Variants in MUC5AC observed in about 807,000 individuals in gnomAD.
MUC5AC encodes the protein mucin-5AC.
MUC5AC carries 158 observed loss-of-function variants against 169.7 expected under a neutral mutation model. The ratio of observed to expected loss-of-function variants is 0.93; its 90% confidence interval spans 0.82 to 1.06. The LOEUF is 1.06. Among genes scored for constraint, MUC5AC ranks in the 50% least tolerant of loss-of-function variants. The pLI is 0.00. For missense variants in MUC5AC, 4,359 were observed against 3,089.9 expected (o/e 1.41, Z -9.74); for synonymous variants, 1,975 against 1,237.0 (o/e 1.60, Z -12.52).
At position 1,200,474 on chromosome 11, in the gene MUC5AC, C is replaced by G. The variant is rs1302554074; in HGVS notation, c.16737C>G (p.Cys5579Trp). Reference sequence around the variant, plus strand: ...AGGGCAACACGGTGGAGCACAGGTGCCAGTGCTGCCAGGAGCTGCGGACCT... The same window carrying G: ...AGGGCAACACGGTGGAGCACAGGTGGCAGTGCTGCCAGGAGCTGCGGACCT... The part of the protein sequence containing the change: ...SLEGNTVEHR[C>W]QCCQELRTSL... Residue 5579 changes from cysteine to tryptophan, a missense_variant, in exon 49 of 49, where the codon TGC becomes TGG. Cys to Trp is a radical substitution (Grantham distance 215). Transcript: ENST00000621226. 4.1e-6 allele frequency: 3 copies of G among 728,162 alleles called. No individual in the cohort carries two copies. The highest frequency in any genetic ancestry group is 7.5e-6 in the Non-Finnish European group (3 of 399,734). The allele number at this position is 728,162 out of a possible 1,614,324, so 45.1% of individuals were successfully genotyped here.
intron 35 of MUC5AC, 149 bp downstream of exon 35, chr11:1,194,819 T>G (rs975406353): frequency 2.5e-5 from 15 of 608,916 alleles, no homozygotes; most frequent in African/African-American, 1.8e-4. Flanking sequence ...GGCTTACGCC[T>G]GCCGGTACCT....
rs1337367428 is a variant in MUC5AC, at chr11:1,179,043, C to T, written c.3328-49C>T. 3.0e-4 allele frequency: 48 copies of T among 159,340 alleles called. No individual in the cohort carries two copies. The African/African-American group carries it at 4.9e-3, about 16-fold the overall frequency. The allele number at this position is 159,340 out of a possible 1,614,324, so 9.9% of individuals were successfully genotyped here. On this transcript the variant is annotated intron_variant, in intron 25 of 48. Transcript: ENST00000621226. ...AGCATGGGCCCGGTCCCCAAGAGCC[C>T]GCGGGGTGGTGGGGGGGTCCCTGGA...
chr11:1,170,980 CCACTCACCT>C (rs1860500849), intron 15 of MUC5AC, among the ~76,000 whole-genome samples: 1 of 121,126 alleles, frequency 8.3e-6, no homozygotes. Flanking sequence ...CCCATTCACC[CCACTCACCT>C]ACTCACTCAC....
In MUC5AC at chr11:1,188,566, C is replaced by T. The variant is rs1425395604; in HGVS notation, c.10421C>T (p.Ala3474Val). The T allele has an allele frequency of 2.6e-6, 2 of 762,452 alleles. No individual in the cohort carries two copies. The highest frequency in any genetic ancestry group is 1.7e-5 in the Admixed American group (1 of 58,802). 47.2% of individuals were successfully genotyped at this position (762,452 alleles called of 1,614,324 possible). ...CCACAGACCAGCAAAACCTCAGCTG[C>T]TACAAGCAGCACAACCTCCGGTTCT... ...STPQTSKTSA[A>V]TSSTTSGSGT... The change falls in exon 31 of 49, where the codon GCT (alanine) becomes GTT (valine). Residue 3474 changes from alanine (A) to valine (V), a missense_variant. Physicochemically the swap from Ala to Val is moderately conservative, Grantham distance 64 (BLOSUM62 0). Transcript: ENST00000621226.
In MUC5AC at chr11:1,192,968, G is replaced by T. The variant is rs1255742603; in HGVS notation, c.14566G>T (p.Val4856Phe). 5.5e-6 allele frequency: 4 copies of T among 720,898 alleles called. No homozygotes were observed. Among genetic ancestry groups the T allele is most frequent in the Middle Eastern group, 2.3e-4 (1 of 4,376 alleles). 44.7% of individuals were successfully genotyped at this position (720,898 alleles called of 1,614,324 possible). A position where few individuals can be genotyped will look rare whatever the true frequency, so the allele number is the denominator to read the frequency against. ...CACTGAGCTGGGATGCCCAAATGCG[G>T]TTCCCCCCAGAAAGGTAACCCCCTA... ...PVTELGCPNA[V>F]PPRKKGETWA... Residue 4856 changes from valine to phenylalanine, a missense_variant, in exon 32 of 49, where the codon GTT becomes TTT. By Grantham distance (50) the Val-to-Phe change is conservative (BLOSUM62 -1). Transcript: ENST00000621226.
chr11:1,186,535 C>G lies in MUC5AC; in HGVS notation c.8390C>G (p.Thr2797Ser), dbSNP rs1420298270. ...ACTTTGTCTCCTACAACCAGCACAA[C>G]CTCTACTACTATAACCAGCACAACT... ...STTLSPTTST[T>S]STTITSTTSA... is the part of the protein sequence containing the mutation. Residue 2797 changes from threonine (T) to serine (S), a missense_variant, in exon 31 of 49, where the codon ACC becomes AGC. By Grantham distance (58) the Thr-to-Ser change is moderately conservative. Transcript: ENST00000621226. 4.3e-6 allele frequency: 3 copies of G among 699,036 alleles called. No homozygotes were observed. The African/African-American group carries it at 5.3e-5, about 12-fold the overall frequency. 43.3% of individuals were successfully genotyped at this position (699,036 alleles called of 1,614,324 possible). A position where few individuals can be genotyped will look rare whatever the true frequency, so the allele number is the denominator to read the frequency against.
At position 1,162,690 on chromosome 11, in the gene MUC5AC, G is replaced by C. The variant is rs192491115; in HGVS notation, c.588+44G>C. On this transcript the variant is annotated intron_variant, in intron 5 of 48. Coordinates refer to ENST00000621226, the MANE Select transcript of MUC5AC (RefSeq NM_001304359.2). ...GTCCCGGTGTGCAACTCCAGCCCTC[G>C]AGGGCCGGCCTGCTCCCACAGCCTC... The C allele has an allele frequency of 3.8e-6, 6 of 1,568,264 alleles. No individual in the cohort carries two copies. In the East Asian group the frequency reaches 1.1e-4, roughly 29 times the overall value.
chr11:1,193,691 G>T, intron 33 of MUC5AC, 32 bp downstream of exon 33: 1 of 754,742 alleles, frequency 1.3e-6, no homozygotes, highest in Non-Finnish European at 2.4e-6. Flanking sequence ...ACCCAGGGCA[G>T]CCGGGGCAGC....
intron 30 of MUC5AC, 103 bp downstream of exon 30, chr11:1,181,562 C>T (rs921352814): frequency 6.5e-5 from 26 of 398,020 alleles, no homozygotes; most frequent in Admixed American, 4.4e-4. Flanking sequence ...TGGGCATGGG[C>T]GGCAGCCCCT....
chr11:1,199,946 G>C lies in MUC5AC; in HGVS notation c.16677G>C (p.Gly5559=). ...CCGTGCGCCTGGCTTACTGCCGGGG[G>C]AACTGTGGGGACAGCTCTTCCATGT... ...SEPVRLAYCR[G]NCGDSSSMYS... Residue 5559 remains glycine, a synonymous_variant, in exon 48 of 49, where the codon GGG becomes GGC. Transcript: ENST00000621226. 1.3e-6 allele frequency: 1 copy of C among 763,546 alleles called. No individual in the cohort carries two copies. The highest frequency in any genetic ancestry group is 2.4e-6 in the Non-Finnish European group (1 of 417,258). The allele number at this position is 763,546 out of a possible 1,614,324, so 47.3% of individuals were successfully genotyped here. A position where few individuals can be genotyped will look rare whatever the true frequency, so the allele number is the denominator to read the frequency against.
chr11:1,179,764 G>T (rs1357816924), intron 26 of MUC5AC, among the ~76,000 whole-genome samples: 1 of 152,168 alleles, frequency 6.6e-6, no homozygotes, highest in Non-Finnish European at 1.5e-5. Context: ...CAGCAGAGCT[G>T]CCCAGCTCTA....
chr11:1,187,636 C>G lies in MUC5AC; in HGVS notation c.9491C>G (p.Thr3164Arg). ...CCCAGCCCTGTTCCCACCACCAGCA[C>G]AATCTTTGCTCCTAGAACCAGCACC... ...TTPSPVPTTS[T>R]IFAPRTSTTS... Residue 3164 changes from threonine to arginine, a missense_variant, in exon 31 of 49, where the codon ACA (threonine) becomes AGA (arginine). By Grantham distance (71) the Thr-to-Arg change is moderately conservative. Transcript: ENST00000621226. 1 of 764,632 alleles carries G rather than the reference C, an allele frequency of 1.3e-6. No individual in the cohort carries two copies. Among genetic ancestry groups the G allele is most frequent in the Non-Finnish European group, 2.4e-6 (1 of 417,584 alleles). The allele number at this position is 764,632 out of a possible 1,614,324, so 47.4% of individuals were successfully genotyped here.
chr11:1,168,109 A>C, intron 12 of MUC5AC, 122 bp downstream of exon 12: 1 of 828,656 alleles, frequency 1.2e-6, no homozygotes, highest in Non-Finnish European at 2.0e-6. Context: ...ACCCTCTGGC[A>C]ACACTGGCTG....
rs1224666001 is a variant in MUC5AC at position 1,163,063 on chromosome 11, C to T, written c.679+18C>T. ...CTCCCACAGTAAGGCCCCACATCGC[C>T]CTCAGCCCCTTCCTCAGTGTCCCCT... is the stretch of plus-strand genomic sequence containing the variant. On this transcript the variant is annotated intron_variant, in intron 6 of 48. Transcript: ENST00000621226. 14 of 1,607,288 alleles carry T rather than the reference C, an allele frequency of 8.7e-6. No homozygotes were observed. Among genetic ancestry groups the T allele is most frequent in the African/African-American group, 2.7e-5 (2 of 74,810 alleles).
In MUC5AC at chr11:1,183,254, C is replaced by T. The variant is rs1860853190; in HGVS notation, c.5109C>T (p.Thr1703=). The change falls in exon 31 of 49, where the codon ACC becomes ACT. Residue 1703 remains threonine (T), a synonymous_variant. Coordinates refer to ENST00000621226, the MANE Select transcript of MUC5AC (RefSeq NM_001304359.2). Reference sequence around the variant, plus strand: ...ATCCAACCGGAGCTCAGACCCAGACCACCTTCACCACACACATGCCCTCGG... The same window carrying T: ...ATCCAACCGGAGCTCAGACCCAGACTACCTTCACCACACACATGCCCTCGG... ...TPHPTGAQTQ[T]TFTTHMPSAS... The T allele has an allele frequency of 5.1e-6, 2 of 392,454 alleles. No homozygotes were observed. Among genetic ancestry groups the T allele is most frequent in the Non-Finnish European group, 8.5e-6 (2 of 235,864 alleles). 24.3% of individuals were successfully genotyped at this position (392,454 alleles called of 1,614,324 possible).
intron 11 of MUC5AC, among the ~76,000 whole-genome samples, chr11:1,166,271 T>C (rs28613173): frequency 3.2e-3 from 218 of 69,128 alleles, no homozygotes; most frequent in Middle Eastern, 0.017. Context: ...GCACCCAACA[T>C]ACAGTCTCTG....
At chr11:1,158,826 C>T (rs1373843438) in intron 1 of MUC5AC, among the ~76,000 whole-genome samples, 1 of 152,198 alleles carries the variant, frequency 6.6e-6, no homozygotes, top group Non-Finnish European at 1.5e-5. Context: ...CATGGCCCAC[C>T]CAGGTCCCTC....
Position 1,200,977 on chromosome 11 carries a change from T to A in MUC5AC, c.*275T>A. The A allele has an allele frequency of 5.8e-6, 2 of 343,702 alleles. No homozygotes were observed. Among genetic ancestry groups the A allele is most frequent in the East Asian group, 4.6e-5 (1 of 21,940 alleles). The allele number at this position is 343,702 out of a possible 1,614,324, so 21.3% of individuals were successfully genotyped here. A position where few individuals can be genotyped will look rare whatever the true frequency, so the allele number is the denominator to read the frequency against. ...CATCCAGCCTGCTGTTCTGGGGACG[T>A]GAGCATCACCTGAGGGTCTCAGGAA... On this transcript the variant is annotated 3_prime_UTR_variant, in exon 49 of 49. Coordinates refer to ENST00000621226, the MANE Select transcript of MUC5AC (RefSeq NM_001304359.2).
rs1860931499 is a variant in MUC5AC at position 1,185,914 on chromosome 11, C to A, written c.7769C>A (p.Ser2590Tyr). The A allele has an allele frequency of 1.1e-5, 8 of 746,298 alleles. No individual in the cohort carries two copies. The South Asian group carries it at 1.1e-4, about 10-fold the overall frequency. 46.2% of individuals were successfully genotyped at this position (746,298 alleles called of 1,614,324 possible). A position where few individuals can be genotyped will look rare whatever the true frequency, so the allele number is the denominator to read the frequency against. ...TTSAPTTSTT[S>Y]GPGTTPSAVP... is the part of the protein sequence containing the mutation. ...TCTGCTCCTACAACCAGCACAACCT[C>A]TGGTCCTGGAACTACTCCCAGTGCT... Residue 2590 changes from serine to tyrosine, a missense_variant, in exon 31 of 49, where the codon TCT becomes TAT. Physicochemically the swap from Ser to Tyr is moderately radical, Grantham distance 144 (BLOSUM62 -2). Coordinates refer to ENST00000621226, the MANE Select transcript of MUC5AC (RefSeq NM_001304359.2).
Sources: gnomAD v4.1 joint callset for allele counts (sites outside exome capture counted in the v4.1 genomes callset) on GRCh38, gnomAD v4.1.1 for gene constraint, MANE v1.5 for transcripts, NCBI Gene and HGNC (gene_info 2026-07-23, HGNC 2026-07-21) for gene names.